Variants in LMBR1 observed in about 807,000 individuals in gnomAD.
The protein encoded by LMBR1 is limb region 1 protein homolog.
A neutral mutation model predicts 73.9 loss-of-function variants in LMBR1; 52 were observed. The ratio of observed to expected loss-of-function variants is 0.70; its 90% CI spans 0.56 to 0.89. LMBR1 has a LOEUF of 0.89. Ranked by LOEUF, LMBR1 falls within the 40% of genes least tolerant of loss-of-function variation. LMBR1 has a pLI of 0.00. For missense variants in LMBR1, 539 were observed against 579.8 expected (o/e 0.93, Z 0.72); for synonymous variants, 215 against 209.4 (o/e 1.03, Z -0.23).
At chr7:156,752,107 T>A (rs977268743) in intron 9 of LMBR1, among the ~76,000 whole-genome samples, 1 of 151,892 alleles carries the variant, frequency 6.6e-6, no homozygotes, top group Admixed American at 6.6e-5. Context: ...AACAGGAAAG[T>A]ATGGTGAACT....
At chr7:156,763,860 G>T in intron 5 of LMBR1, 65 bp from the exon 6 acceptor site, 1 of 1,358,642 alleles carries the variant, frequency 7.4e-7, no homozygotes, top group African/African-American at 1.5e-5. Context: ...TAAGGTTTCT[G>T]CCTATATGAA....
chr7:156,842,324 C>T (rs528284369), intron 1 of LMBR1, among the ~76,000 whole-genome samples: 20 of 72,698 alleles, frequency 2.8e-4, no homozygotes, highest in African/African-American at 1.1e-3. Flanking sequence ...TTTTGTGGGG[C>T]GGGGGGAGAT....
intron 1 of LMBR1, among the ~76,000 whole-genome samples, chr7:156,843,807 G>C (rs1004601657): frequency 8.2e-5 from 12 of 145,748 alleles, no homozygotes; most frequent in African/African-American, 3.1e-4. Context: ...CTGCACTCCA[G>C]CCTGGGCAAC....
intron 5 of LMBR1, among the ~76,000 whole-genome samples, chr7:156,792,782 C>T (rs968684672): frequency 2.0e-5 from 3 of 152,190 alleles, no homozygotes; most frequent in South Asian, 2.1e-4. Flanking sequence ...TTCCGCATCT[C>T]GGCACAATAT....
chr7:156,796,613 A>C (rs1223740248), intron 4 of LMBR1, 121 bp from the exon 5 acceptor site: 2 of 523,998 alleles, frequency 3.8e-6, no homozygotes, highest in Non-Finnish European at 6.5e-6. Flanking sequence ...ACCTAAACTT[A>C]GAAATCATAA....
At chr7:156,716,830 G>A (rs1486821823) in intron 15 of LMBR1, among the ~76,000 whole-genome samples, 2 of 152,176 alleles carry the variant, frequency 1.3e-5, no homozygotes, top group Non-Finnish European at 2.9e-5. Context: ...GCAAGAGGTA[G>A]ATGTGAGGCC....
chr7:156,777,198 G>C (rs1318456855), intron 5 of LMBR1, among the ~76,000 whole-genome samples: 6 of 152,204 alleles, frequency 3.9e-5, no homozygotes. Context: ...GCCTCCCAAA[G>C]TGCTGGGATT....
chr7:156,833,872 A>C (rs1837137637), intron 2 of LMBR1, 80 bp from the exon 3 acceptor site: 2 of 921,924 alleles, frequency 2.2e-6, no homozygotes, highest in African/African-American at 1.7e-5. Flanking sequence ...TATAAACACA[A>C]TATAAACTTA....
intron 5 of LMBR1, among the ~76,000 whole-genome samples, chr7:156,784,563 G>C (rs1014943993): frequency 7.9e-5 from 12 of 152,162 alleles, no homozygotes; most frequent in Non-Finnish European, 1.3e-4. Context: ...TCCTTCAGTA[G>C]CAGAGCCACA....
intron 15 of LMBR1, among the ~76,000 whole-genome samples, chr7:156,693,656 C>A (rs538793041): frequency 2.5e-4 from 38 of 152,236 alleles, no homozygotes; most frequent in African/African-American, 9.1e-4. Context: ...CAAAACTTTC[C>A]AGCAAAGAAA....
At chr7:156,786,840 A>G (rs569412142) in intron 5 of LMBR1, among the ~76,000 whole-genome samples, 193 of 152,308 alleles carry the variant, frequency 1.3e-3, no homozygotes, top group African/African-American at 4.4e-3. Context: ...ATAATAAATC[A>G]ACTTTCTAAA....
chr7:156,787,733 G>C (rs1371000206), intron 5 of LMBR1, among the ~76,000 whole-genome samples: 1 of 152,074 alleles, frequency 6.6e-6, no homozygotes, highest in Admixed American at 6.5e-5. Context: ...CCATGTCTAA[G>C]TTGTCTATTT....
chr7:156,777,926 C>A (rs1355504457), intron 5 of LMBR1, among the ~76,000 whole-genome samples: 1 of 152,162 alleles, frequency 6.6e-6, no homozygotes, highest in Non-Finnish European at 1.5e-5. Context: ...CCACCATACA[C>A]CCTGAGCCTC....
intron 1 of LMBR1, among the ~76,000 whole-genome samples, chr7:156,890,259 A>C (rs1350063082): frequency 6.6e-6 from 1 of 152,180 alleles, no homozygotes; most frequent in Non-Finnish European, 1.5e-5. Context: ...AGAAGAAGAG[A>C]ACATCAGTCT....
chr7:156,842,860 CA>C, intron 1 of LMBR1, among the ~76,000 whole-genome samples: 1 of 152,098 alleles, frequency 6.6e-6, no homozygotes, highest in Non-Finnish European at 1.5e-5. Context: ...GTAGAGTCCC[CA>C]AGAAATACTA....
chr7:156,827,658 T>A (rs1402149234), intron 3 of LMBR1, among the ~76,000 whole-genome samples: 1 of 152,076 alleles, frequency 6.6e-6, no homozygotes, highest in Admixed American at 6.5e-5. Context: ...ATATTAAAGT[T>A]CTATTAAAGT....
intron 3 of LMBR1, among the ~76,000 whole-genome samples, chr7:156,827,941 T>C (rs999600783): frequency 1.3e-5 from 2 of 152,212 alleles, no homozygotes; most frequent in Non-Finnish European, 2.9e-5. Flanking sequence ...TGTGAATTCA[T>C]TTTGCTCAAT....
chr7:156,736,894 T>A (rs1486364586), intron 9 of LMBR1, among the ~76,000 whole-genome samples: 1 of 152,184 alleles, frequency 6.6e-6, no homozygotes, highest in African/African-American at 2.4e-5. Context: ...GGTCTTTATT[T>A]TCTCCTGGTT....
intron 1 of LMBR1, among the ~76,000 whole-genome samples, chr7:156,875,154 T>C (rs866428121): frequency 5.9e-5 from 9 of 152,058 alleles, no homozygotes; most frequent in South Asian, 2.1e-4. Flanking sequence ...AATGCAAAAT[T>C]TTCTGGAAAG....
Sources: allele counts gnomAD v4.1 joint callset (sites outside exome capture counted in the v4.1 genomes callset), GRCh38; gene constraint gnomAD v4.1.1; transcripts MANE v1.5; gene names NCBI Gene and HGNC (gene_info 2026-07-23, HGNC 2026-07-21).